NCK2: variants seen among roughly 807,000 people sequenced by gnomAD.
NCK2 encodes the protein cytoplasmic protein NCK2.
A neutral mutation model predicts 33.9 loss-of-function variants in NCK2; 16 were observed. That is an observed-to-expected ratio of 0.47 (90% CI 0.32 to 0.72). The LOEUF is 0.72. NCK2 is among the 30% of genes least tolerant of loss of function. The probability of loss-of-function intolerance (pLI) is 0.03; values close to 1 mark genes in which losing one functional copy is unlikely to be tolerated. For missense variants in NCK2, 418 were observed against 537.3 expected, an observed-to-expected ratio of 0.78 and a Z score of 2.19; for synonymous variants, 273 against 239.9, an observed-to-expected ratio of 1.14 and a Z score of -1.27.
intron 1 of NCK2, among the ~76,000 whole-genome samples, chr2:105,749,514 G>A (rs899510793): frequency 1.5e-4 from 23 of 152,174 alleles, no homozygotes; most frequent in Non-Finnish European, 2.2e-4. Context: ...TTCTAGGTAG[G>A]AGACTGGGGA....
intron 2 of NCK2, among the ~76,000 whole-genome samples, chr2:105,842,497 A>T (rs1350200932): frequency 3.3e-5 from 5 of 152,118 alleles, no homozygotes; most frequent in Non-Finnish European, 7.3e-5. Context: ...AAAAATAAAA[A>T]TCTGAATCAT....
chr2:105,760,492 C>T (rs562506889), intron 1 of NCK2, among the ~76,000 whole-genome samples: 4 of 152,328 alleles, frequency 2.6e-5, no homozygotes, highest in Admixed American at 6.5e-5. Flanking sequence ...CAGGCCCTCA[C>T]CTCCATCCTT....
chr2:105,751,748 GGGA>G (rs773283981), intron 1 of NCK2, among the ~76,000 whole-genome samples: 8 of 152,198 alleles, frequency 5.3e-5, no homozygotes, highest in Non-Finnish European at 1.0e-4. Context: ...TCTCTGTCAT[GGGA>G]GGAGAAGAGA....
chr2:105,747,296 A>G (rs1472029350), intron 1 of NCK2, among the ~76,000 whole-genome samples: 1 of 152,226 alleles, frequency 6.6e-6, no homozygotes, highest in Non-Finnish European at 1.5e-5. Context: ...ACTACCATCC[A>G]TATTAAATAC....
chr2:105,801,245 G>A (rs1451667432), intron 1 of NCK2, among the ~76,000 whole-genome samples: 1 of 151,918 alleles, frequency 6.6e-6, no homozygotes, highest in Non-Finnish European at 1.5e-5. Flanking sequence ...GAGGCCTGCC[G>A]GGCTGTCATC....
rs1292717647 is a variant in NCK2, at chr2:105,793,165, C to T, written c.-200-23265C>T. Among the ~76,000 whole-genome samples the T allele has an allele frequency of 2.0e-5, 3 of 152,266 alleles. No homozygotes were observed. The East Asian group carries it at 5.8e-4, about 29-fold the overall frequency. On this transcript the variant is annotated intron_variant, in intron 1 of 4. Transcript: ENST00000233154. ...GAGGTGGGAAGCCACAGATGTAGGA[C>T]ATCTTTAATGAAGGGATTGGGCATT... is the stretch of plus-strand genomic sequence containing the variant.
chr2:105,807,813 TCTCC>T (rs1228696888), intron 1 of NCK2, among the ~76,000 whole-genome samples: 10 of 7,474 alleles, frequency 1.3e-3, no homozygotes, highest in African/African-American at 5.3e-3. Context: ...CCCTTCTATC[TCTCC>T]CTCCCTCCCT....
chr2:105,781,329 C>G (rs1015332540), intron 1 of NCK2, among the ~76,000 whole-genome samples: 2 of 147,704 alleles, frequency 1.4e-5, no homozygotes, highest in Non-Finnish European at 3.1e-5. Flanking sequence ...GTTGCTGACA[C>G]AGGGGCAGCC....
chr2:105,805,507 T>A (rs1674998130), intron 1 of NCK2, among the ~76,000 whole-genome samples: 1 of 152,230 alleles, frequency 6.6e-6, no homozygotes, highest in Non-Finnish European at 1.5e-5. Flanking sequence ...CCTTTTAAAA[T>A]TTCATTTATT....
At chr2:105,795,120 G>A (rs1573602405) in intron 1 of NCK2, among the ~76,000 whole-genome samples, 1 of 152,108 alleles carries the variant, frequency 6.6e-6, no homozygotes, top group African/African-American at 2.4e-5. Context: ...TCCCCGACAG[G>A]GTGCTGCATT....
At chr2:105,868,637 C>T (rs1677854717) in intron 3 of NCK2, among the ~76,000 whole-genome samples, 1 of 152,236 alleles carries the variant, frequency 6.6e-6, no homozygotes, top group East Asian at 1.9e-4. Context: ...TAAGAAACTT[C>T]ATTCAGTGGC....
chr2:105,830,971 A>G (rs1676163621), intron 2 of NCK2, among the ~76,000 whole-genome samples: 1 of 152,026 alleles, frequency 6.6e-6, no homozygotes, highest in Non-Finnish European at 1.5e-5. Flanking sequence ...AATATTTTGG[A>G]TAATAAATAG....
At chr2:105,776,533 G>A (rs1690308596) in intron 1 of NCK2, among the ~76,000 whole-genome samples, 1 of 152,162 alleles carries the variant, frequency 6.6e-6, no homozygotes. Context: ...CCTGCATGCT[G>A]CCAGCCTTGG....
At chr2:105,794,948 T>C (rs1282799216) in intron 1 of NCK2, among the ~76,000 whole-genome samples, 4 of 152,206 alleles carry the variant, frequency 2.6e-5, no homozygotes. Context: ...CCCTACTCTT[T>C]TCCATCACCA....
intron 3 of NCK2, among the ~76,000 whole-genome samples, chr2:105,860,031 T>C (rs945079284): frequency 6.6e-6 from 1 of 152,190 alleles, no homozygotes; most frequent in African/African-American, 2.4e-5. Flanking sequence ...ATGCCTGTAA[T>C]CCCAGTGCTT....
intron 1 of NCK2, among the ~76,000 whole-genome samples, chr2:105,756,893 C>T (rs146082910): frequency 2.6e-5 from 4 of 152,186 alleles, no homozygotes; most frequent in African/African-American, 7.2e-5. Context: ...CAACCTCCCC[C>T]CTCCTGGGTT....
chr2:105,780,424 G>A (rs778025040), intron 1 of NCK2, among the ~76,000 whole-genome samples: 1 of 151,730 alleles, frequency 6.6e-6, no homozygotes, highest in Non-Finnish European at 1.5e-5. Flanking sequence ...TTTTCGTTTG[G>A]TATCTGGGTT....
At chr2:105,762,784 A>G (rs1689808381) in intron 1 of NCK2, among the ~76,000 whole-genome samples, 1 of 152,132 alleles carries the variant, frequency 6.6e-6, no homozygotes, top group East Asian at 1.9e-4. Flanking sequence ...CACTGCTGCT[A>G]CCCTCTCGTT....
chr2:105,771,533 C>G (rs34261181), intron 1 of NCK2, among the ~76,000 whole-genome samples: 1 of 152,018 alleles, frequency 6.6e-6, no homozygotes, highest in Non-Finnish European at 1.5e-5. Context: ...CCACTGTACT[C>G]CAGCCTGGGC....
Sources: allele counts gnomAD v4.1 joint callset (sites outside exome capture counted in the v4.1 genomes callset), GRCh38; gene constraint gnomAD v4.1.1; transcripts MANE v1.5; gene names NCBI Gene and HGNC (gene_info 2026-07-23, HGNC 2026-07-21).